USP49: variants seen among roughly 807,000 people sequenced by gnomAD.
The protein encoded by USP49 is ubiquitin specific peptidase 49, also known as ubiquitin carboxyl-terminal hydrolase 49.
In USP49, 24 loss-of-function variants were observed where a neutral mutation model predicts 58.6. The observed-to-expected ratio is 0.41, with a 90% CI of 0.30 to 0.58. The LOEUF (loss-of-function observed/expected upper bound fraction) is 0.58, where lower values mean the gene tolerates loss of function less well. Among genes scored for constraint, USP49 ranks in the 20% least tolerant of loss-of-function variants. USP49 has a pLI of 0.30. For missense variants in USP49, 703 were observed against 866.1 expected, an observed-to-expected ratio of 0.81 and a Z score of 2.36; for synonymous variants, 408 against 365.1, an observed-to-expected ratio of 1.12 and a Z score of -1.34.
chr6:41,876,275 T>C (rs1254128833), intron 2 of USP49, among the ~76,000 whole-genome samples: 1 of 152,220 alleles, frequency 6.6e-6, no homozygotes, highest in African/African-American at 2.4e-5. Flanking sequence ...ATCTTCATTG[T>C]CACTGCCAAT....
chr6:41,892,778 T>C (rs186245781), intron 1 of USP49, among the ~76,000 whole-genome samples: 12 of 152,348 alleles, frequency 7.9e-5, no homozygotes, highest in African/African-American at 2.4e-4. Flanking sequence ...TTTGTGCATC[T>C]GAGTGTACAC....
In USP49 at chr6:41,850,853, G is replaced by A. The variant is rs147249701; in HGVS notation, c.-29+20711C>T. Among the ~76,000 whole-genome samples the A allele has an allele frequency of 7.1e-3, 1,075 of 151,964 alleles. 13 individuals carry two copies. The highest frequency in any genetic ancestry group is 0.023 in the African/African-American group (952 of 41,440). ...CTTGACCTCCTGATCCGCCCACCTC[G>A]ACCTCCCAAAGTGCTAGGATTACAG... On this transcript the variant is annotated intron_variant, in intron 3 of 7. Coordinates refer to ENST00000682992, the MANE Select transcript of USP49 (RefSeq NM_001286554.2).
chr6:41,875,627 C>T (rs1774489941), intron 2 of USP49, among the ~76,000 whole-genome samples: 1 of 152,200 alleles, frequency 6.6e-6, no homozygotes, highest in Non-Finnish European at 1.5e-5. Flanking sequence ...TCCTTATTTT[C>T]CACTACCCAT....
At chr6:41,853,999 CGAA>C (rs1774079833) in intron 3 of USP49, among the ~76,000 whole-genome samples, 4 of 58,864 alleles carry the variant, frequency 6.8e-5, no homozygotes, top group African/African-American at 8.8e-5. Context: ...GACTCTGTCT[CGAA>C]AAAAAAAAAA....
At chr6:41,841,579 T>C (rs1773827945) in intron 3 of USP49, among the ~76,000 whole-genome samples, 1 of 152,206 alleles carries the variant, frequency 6.6e-6, no homozygotes, top group African/African-American at 2.4e-5. Flanking sequence ...ATTCAGCATG[T>C]TGAAATCCTG....
intron 1 of USP49, among the ~76,000 whole-genome samples, chr6:41,892,692 C>T (rs369691279): frequency 1.2e-4 from 19 of 152,062 alleles, no homozygotes; most frequent in African/African-American, 4.1e-4. Flanking sequence ...AGTCATAAAC[C>T]TAATCTTTGT....
chr6:41,876,859 T>C (rs1161970431), intron 2 of USP49, among the ~76,000 whole-genome samples: 1 of 152,154 alleles, frequency 6.6e-6, no homozygotes, highest in Non-Finnish European at 1.5e-5. Flanking sequence ...GCAATTACAA[T>C]TAAATCTCCC....
chr6:41,804,242 A>G (rs1022958589), intron 4 of USP49, among the ~76,000 whole-genome samples: 2 of 152,230 alleles, frequency 1.3e-5, no homozygotes, highest in East Asian at 1.9e-4. Flanking sequence ...CATAGAGACT[A>G]TACTAACCCC....
chr6:41,850,868 T>C (rs995968649), intron 3 of USP49, among the ~76,000 whole-genome samples: 1 of 151,804 alleles, frequency 6.6e-6, no homozygotes, highest in Non-Finnish European at 1.5e-5. Flanking sequence ...CCCAAAGTGC[T>C]AGGATTACAG....
At position 41,794,823 on chromosome 6, in the gene USP49, A is replaced by C. The variant is rs945494799; in HGVS notation, c.*1710T>G. On this transcript the variant is annotated 3_prime_UTR_variant, in exon 8 of 8. Transcript: ENST00000682992. ...TACAGAAACCTCACAGTGTTGGAAAAAGCAAGTTTAATTTAAAATATAGTC... is the reference window on the plus strand; with the variant it reads ...TACAGAAACCTCACAGTGTTGGAAACAGCAAGTTTAATTTAAAATATAGTC... The C allele has an allele frequency of 9.9e-5, 15 of 152,238 alleles. No individual in the cohort carries two copies. The highest frequency in any genetic ancestry group is 3.4e-4 in the African/African-American group (14 of 41,464). 9.4% of individuals were successfully genotyped at this position (152,238 alleles called of 1,614,324 possible).
At chr6:41,848,841 G>T (rs185509420) in intron 3 of USP49, among the ~76,000 whole-genome samples, 4 of 150,272 alleles carry the variant, frequency 2.7e-5, no homozygotes, top group African/African-American at 4.9e-5. Context: ...GACAACACCA[G>T]TGAGACACCG....
intron 3 of USP49, among the ~76,000 whole-genome samples, chr6:41,834,194 G>T (rs1773686078): frequency 6.6e-6 from 1 of 152,134 alleles, no homozygotes; most frequent in Admixed American, 6.6e-5. Context: ...TGATTCTCTA[G>T]TTAATAACTA....
chr6:41,895,091 C>G (rs1774874393), intron 1 of USP49, among the ~76,000 whole-genome samples: 1 of 145,372 alleles, frequency 6.9e-6, no homozygotes, highest in Non-Finnish European at 1.5e-5. Context: ...CGCCGCTCCT[C>G]CCGCCCGCGA....
At chr6:41,860,601 G>A (rs970920604) in intron 3 of USP49, among the ~76,000 whole-genome samples, 24 of 151,952 alleles carry the variant, frequency 1.6e-4, no homozygotes, top group African/African-American at 5.6e-4. Flanking sequence ...TCCACTTCCC[G>A]GGTTCAAGTG....
chr6:41,837,336 G>A (rs1773745632), intron 3 of USP49, among the ~76,000 whole-genome samples: 1 of 152,040 alleles, frequency 6.6e-6, no homozygotes, highest in Admixed American at 6.6e-5. Flanking sequence ...ACTCAACAAA[G>A]TCGACAAAAG....
At chr6:41,847,573 G>A (rs577987659) in intron 3 of USP49, among the ~76,000 whole-genome samples, 1 of 152,230 alleles carries the variant, frequency 6.6e-6, no homozygotes, top group Admixed American at 6.5e-5. Flanking sequence ...AATTAGCTGG[G>A]CATGGTGGTG....
At chr6:41,802,480 T>TTTTTTATTTA (rs1561902761) in intron 5 of USP49, among the ~76,000 whole-genome samples, 45 of 45,252 alleles carry the variant, frequency 9.9e-4, no homozygotes, top group South Asian at 1.3e-3. Context: ...TTTTTATTTA[T>TTTTTTATTTA]TTTTTTTTTT....
Position 41,806,913 on chromosome 6 carries a change from C to G in USP49, c.71G>C (p.Trp24Ser). The part of the protein sequence containing the change: ...QDHSILNPQK[W>S]CCLECATTES... ...GGTGGTGGCACACTCTAAGCAGCAC[C>G]ACTTCTGAGGGTTCAGGATGGAGTG... Residue 24 changes from tryptophan to serine, a missense_variant, in exon 4 of 8, where the codon TGG becomes TCG. Trp to Ser is a radical substitution (Grantham distance 177, BLOSUM62 -3). This residue lies in a region of USP49 where 376 missense variants were observed against 373.5 expected (regional missense o/e 1.01). Transcript: ENST00000682992. The surrounding 1 kb of genome is among the most constrained non-coding windows in gnomAD (Gnocchi z 5.9). The G allele has an allele frequency of 6.2e-7, 1 of 1,613,792 alleles. No homozygotes were observed. Among genetic ancestry groups the G allele is most frequent in the Non-Finnish European group, 8.5e-7 (1 of 1,179,978 alleles).
chr6:41,806,846 G>A lies in USP49; in HGVS notation c.138C>T (p.Cys46=), dbSNP rs1271855686. 1.9e-6 allele frequency: 3 copies of A among 1,613,944 alleles called. No homozygotes were observed. The South Asian group carries it at 3.3e-5, about 18-fold the overall frequency. The change falls in exon 4 of 8, where the codon TGC becomes TGT. Residue 46 remains cysteine, a synonymous_variant. Transcript: ENST00000682992. The surrounding 1 kb of genome is among the most constrained non-coding windows in gnomAD (Gnocchi z 5.9). ...WACLKCSHVA[C]GRYIEDHALK... ...GGGCGTGGTCCTCAATATAGCGGCC[G>A]CAGGCCACGTGGGAGCACTTGAGGC...
Sources: gnomAD v4.1 joint callset for allele counts (sites outside exome capture counted in the v4.1 genomes callset) on GRCh38, gnomAD v4.1.1 for gene constraint, gnomAD v4.1.1 regional missense constraint, Gnocchi (gnomAD v3.1) non-coding constraint, MANE v1.5 for transcripts, NCBI Gene and HGNC (gene_info 2026-07-23, HGNC 2026-07-21) for gene names.